The following LAMC1 variants were observed in gnomAD, a reference collection of about 807,000 sequenced individuals.
LAMC1 encodes laminin subunit gamma 1, also known as laminin subunit gamma-1.
A neutral mutation model predicts 173.6 loss-of-function variants in LAMC1; 38 were observed. That is an observed-to-expected ratio of 0.22 (90% CI 0.17 to 0.29). LAMC1 has a LOEUF of 0.29. Among genes scored for constraint, LAMC1 ranks in the 10% least tolerant of loss-of-function variants. The probability of loss-of-function intolerance (pLI) is 1.00; values close to 1 mark genes in which losing one functional copy is unlikely to be tolerated. For missense variants in LAMC1, 1,824 were observed against 2,051.8 expected (o/e 0.89, Z 2.14); for synonymous variants, 746 against 749.1 (o/e 1.00, Z 0.07).
At position 183,142,934 on chromosome 1, in the gene LAMC1, CAG is replaced by C. The variant is rs2102119892; in HGVS notation, c.*147_*148del. 3 of 850,462 alleles carry C rather than the reference CAG, an allele frequency of 3.5e-6. No homozygotes were observed. Among genetic ancestry groups the C allele is most frequent in the South Asian group, 3.7e-5 (2 of 53,994 alleles). 52.7% of individuals were successfully genotyped at this position (850,462 alleles called of 1,614,324 possible). A position where few individuals can be genotyped will look rare whatever the true frequency, so the allele number is the denominator to read the frequency against. ...TGTCCTTTTGAACCAGGAAAAGTCA[CAG>C]AGTTTAAAGAGAAGCAAATTAAACA... On this transcript the variant is annotated 3_prime_UTR_variant, in exon 28 of 28. Transcript: ENST00000258341.
At chr1:183,130,639 C>T (rs1656759280) in intron 19 of LAMC1, 90 bp downstream of exon 19, 4 of 928,350 alleles carry the variant, frequency 4.3e-6, no homozygotes, top group Admixed American at 2.2e-5. Flanking sequence ...GCTTCTTCAA[C>T]TAAATTGACT....
intron 4 of LAMC1, among the ~76,000 whole-genome samples, chr1:183,112,487 G>A (rs998805116): frequency 2.6e-5 from 4 of 152,088 alleles, no homozygotes; most frequent in South Asian, 2.1e-4. Flanking sequence ...TGCTTTTCTC[G>A]TTGGTCCCTT....
chr1:183,042,155 G>T (rs972673509), intron 1 of LAMC1, among the ~76,000 whole-genome samples: 1 of 152,154 alleles, frequency 6.6e-6, no homozygotes, highest in African/African-American at 2.4e-5. Context: ...AGTGGTTCAG[G>T]ACAGCAGGGT....
intron 15 of LAMC1, 94 bp from the exon 16 acceptor site, chr1:183,126,026 T>C: frequency 8.3e-7 from 1 of 1,206,710 alleles, no homozygotes; most frequent in Non-Finnish European, 1.2e-6. Flanking sequence ...CTGATACAAG[T>C]TACAAATTAC....
At chr1:183,121,269 T>A (rs1232443679) in intron 11 of LAMC1, among the ~76,000 whole-genome samples, 12 of 142,622 alleles carry the variant, frequency 8.4e-5, no homozygotes, top group African/African-American at 2.8e-4. Flanking sequence ...AAAAAAAAAA[T>A]ACAAAAATTA....
chr1:183,050,257 T>A (rs1390388899), intron 1 of LAMC1, among the ~76,000 whole-genome samples: 1 of 151,602 alleles, frequency 6.6e-6, no homozygotes, highest in Non-Finnish European at 1.5e-5. Flanking sequence ...ACTTTATCAA[T>A]GTTTCTGCTT....
chr1:183,106,834 G>A (rs1655989937), intron 2 of LAMC1, among the ~76,000 whole-genome samples: 2 of 152,152 alleles, frequency 1.3e-5, no homozygotes, highest in South Asian at 4.2e-4. Context: ...CACCACAGCG[G>A]AAGTGATCTG....
intron 1 of LAMC1, among the ~76,000 whole-genome samples, chr1:183,049,257 A>C (rs1176495854): frequency 1.3e-5 from 2 of 152,192 alleles, no homozygotes; most frequent in Admixed American, 6.5e-5. Context: ...TAGAGAAGAC[A>C]TACAGAAATG....
Position 183,128,533 on chromosome 1 carries a change from T to C in LAMC1, c.3124-61T>C, listed in dbSNP as rs1015623330. ...CCATGATTCCTGCAGGAAGTGTGAT[T>C]GAGTTCTTCAGGAATACTTGTGTGT... On this transcript the variant is annotated intron_variant, in intron 17 of 27. Coordinates refer to ENST00000258341, the MANE Select transcript of LAMC1 (RefSeq NM_002293.4). 12 of 1,429,676 alleles carry C rather than the reference T, an allele frequency of 8.4e-6. No homozygotes were observed. In the South Asian group the frequency reaches 8.5e-5, roughly 10 times the overall value. The allele number at this position is 1,429,676 out of a possible 1,614,324, so 88.6% of individuals were successfully genotyped here.
chr1:183,120,021 T>C (rs898153263), intron 11 of LAMC1, among the ~76,000 whole-genome samples: 3 of 151,664 alleles, frequency 2.0e-5, no homozygotes, highest in South Asian at 2.1e-4. Context: ...TCAAAAAAAT[T>C]AGCTGGGCAT....
At position 183,130,347 on chromosome 1, in the gene LAMC1, T is replaced by C. The variant is rs1305102661; in HGVS notation, c.3284T>C (p.Val1095Ala). 3 of 1,613,516 alleles carry C rather than the reference T, an allele frequency of 1.9e-6. No homozygotes were observed. Among genetic ancestry groups the C allele is most frequent in the African/African-American group, 2.7e-5 (2 of 74,914 alleles). Residue 1095 changes from valine to alanine, a missense_variant, in exon 19 of 28, where the codon GTT becomes GCT. Transcript: ENST00000258341. Reference protein sequence around the residue: ...LLREAQDVKDVDQNLMDRLQR... With the variant: ...LLREAQDVKDADQNLMDRLQR... ...TTTCTTCTGCAAACCATTTTAGATGTTGACCAGAATTTGATGGATCGCCTA... is the reference window on the plus strand; with the variant it reads ...TTTCTTCTGCAAACCATTTTAGATGCTGACCAGAATTTGATGGATCGCCTA...
In LAMC1 at chr1:183,131,309, A is replaced by C; in HGVS notation, c.3497A>C (p.Gln1166Pro). ...KVAAANVSVT[Q>P]PESTGDPNNM... ...TTATTTCCTGTGCAGTCAGTCACTC[A>C]GCCAGAATCTACAGGGGACCCAAAC... The change falls in exon 20 of 28, where the codon CAG (glutamine) becomes CCG (proline). Residue 1166 changes from glutamine to proline, a missense_variant. Gln to Pro is a moderately conservative substitution (Grantham distance 76). Transcript: ENST00000258341. The C allele has an allele frequency of 6.2e-7, 1 of 1,613,422 alleles. No homozygotes were observed. Among genetic ancestry groups the C allele is most frequent in the Non-Finnish European group, 8.5e-7 (1 of 1,179,394 alleles).
At chr1:183,120,196 CGGG>C (rs1656434433) in intron 11 of LAMC1, among the ~76,000 whole-genome samples, 1 of 105,506 alleles carries the variant, frequency 9.5e-6, no homozygotes, top group African/African-American at 3.2e-5. Context: ...AAAAAGGTGG[CGGG>C]GTGGTGTTGA....
intron 16 of LAMC1, among the ~76,000 whole-genome samples, chr1:183,126,481 G>A (rs1451750758): frequency 6.6e-6 from 1 of 152,194 alleles, no homozygotes; most frequent in Non-Finnish European, 1.5e-5. Context: ...CTTTTACAAC[G>A]TTTCTGATGC....
At chr1:183,042,151 TCAG>T (rs962696102) in intron 1 of LAMC1, among the ~76,000 whole-genome samples, 1 of 152,156 alleles carries the variant, frequency 6.6e-6, no homozygotes, top group African/African-American at 2.4e-5. Context: ...GGTCAGTGGT[TCAG>T]GACAGCAGGG....
chr1:183,034,737 T>A (rs1653934793), intron 1 of LAMC1, among the ~76,000 whole-genome samples: 1 of 152,136 alleles, frequency 6.6e-6, no homozygotes, highest in Non-Finnish European at 1.5e-5. Flanking sequence ...CTAAAAGTAG[T>A]TAGATAATGG....
Position 183,103,647 on chromosome 1 carries a change from G to A in LAMC1, c.723+15G>A. On this transcript the variant is annotated intron_variant, in intron 2 of 27. Transcript: ENST00000258341. ...CTGTGCTGCAGGTAAATTCTCACAG[G>A]TTGGCCTGAAGCCAGCTAGTTCTAC... 1 of 1,526,666 alleles carries A rather than the reference G, an allele frequency of 6.6e-7. No homozygotes were observed. The highest frequency in any genetic ancestry group is 8.8e-7 in the Non-Finnish European group (1 of 1,138,632). The allele number at this position is 1,526,666 out of a possible 1,614,324, so 94.6% of individuals were successfully genotyped here. A position where few individuals can be genotyped will look rare whatever the true frequency, so the allele number is the denominator to read the frequency against.
chr1:183,057,780 A>C (rs1345756922), intron 1 of LAMC1, among the ~76,000 whole-genome samples: 4 of 152,126 alleles, frequency 2.6e-5, no homozygotes, highest in Non-Finnish European at 5.9e-5. Flanking sequence ...CAGCTGTCAA[A>C]CTGTAGCCTA....
At chr1:183,036,835 G>A (rs1653997509) in intron 1 of LAMC1, among the ~76,000 whole-genome samples, 1 of 152,084 alleles carries the variant, frequency 6.6e-6, no homozygotes, top group Non-Finnish European at 1.5e-5. Context: ...GAGTGCAGTG[G>A]CACGATCTTG....
Sources: gnomAD v4.1 joint callset for allele counts (sites outside exome capture counted in the v4.1 genomes callset) on GRCh38, gnomAD v4.1.1 for gene constraint, MANE v1.5 for transcripts, NCBI Gene and HGNC (gene_info 2026-07-23, HGNC 2026-07-21) for gene names.